The following USF3 variants were observed in gnomAD, a reference collection of about 807,000 sequenced individuals.
USF3 encodes upstream transcription factor family member 3.
Under a neutral mutation model 157.5 loss-of-function variants are expected in USF3, and 29 were observed. The observed-to-expected ratio is 0.18, with a 90% confidence interval of 0.14 to 0.25. The LOEUF (loss-of-function observed/expected upper bound fraction) is 0.25, where lower values mean the gene tolerates loss of function less well. Among genes scored for constraint, USF3 ranks in the 10% least tolerant of loss-of-function variants. USF3 has a pLI of 1.00. For synonymous variants in USF3, 893 were observed against 941.4 expected, an observed-to-expected ratio of 0.95 and a Z score of 0.94; for missense variants, 2,381 against 2,667.6, an observed-to-expected ratio of 0.89 and a Z score of 2.37.
At chr3:113,691,762 T>C (rs1201348173) in intron 1 of USF3, among the ~76,000 whole-genome samples, 1 of 152,216 alleles carries the variant, frequency 6.6e-6, no homozygotes, top group Non-Finnish European at 1.5e-5. Flanking sequence ...TCAATCTCTA[T>C]TGTTTATAAC....
Position 113,663,177 on chromosome 3 carries a change from T to C in USF3, c.256+1136A>G, listed in dbSNP as rs146547764. Among the ~76,000 whole-genome samples, 501 of 152,158 alleles carry C rather than the reference T, an allele frequency of 3.3e-3. 2 individuals are homozygous for C. The highest frequency in any genetic ancestry group is 0.011 in the African/African-American group (473 of 41,500). On this transcript the variant is annotated intron_variant, in intron 6 of 6. Transcript: ENST00000316407. ...AGAAATAACAAACACAGATTTAGGC[T>C]GCCTTAGATCCCACCCCTAACCCCT...
chr3:113,681,523 C>G (rs1707426996), intron 1 of USF3, among the ~76,000 whole-genome samples: 1 of 148,158 alleles, frequency 6.7e-6, no homozygotes, highest in African/African-American at 2.5e-5. Flanking sequence ...AGAGAAGATA[C>G]TTGATATTAT....
Position 113,660,651 on chromosome 3 carries a change from C to G in USF3, c.1031G>C (p.Cys344Ser). 6.2e-7 allele frequency: 1 copy of G among 1,614,190 alleles called. No individual in the cohort carries two copies. ...ACCTGCAGTTCTGGGAGGCTGCGAG[C>G]AGACTGTGGTGGTAACTGAAACAAC... ...TFVVSVTTTV[C>S]SQPPRTAGDS... The change falls in exon 7 of 7, where the codon TGC becomes TCC. Residue 344 changes from cysteine to serine, a missense_variant. Physicochemically the swap from Cys to Ser is moderately radical, Grantham distance 112. This residue lies in a region of USF3 where 1,435 missense variants were observed against 1,550.9 expected (regional missense o/e 0.93). Transcript: ENST00000316407.
At position 113,681,370 on chromosome 3, in the gene USF3, T is replaced by A. The variant is rs1031303814; in HGVS notation, c.-134-3973A>T. On this transcript the variant is annotated intron_variant, in intron 1 of 6. Transcript: ENST00000316407. ...TGTTTTGTATGCTGTGTTTCCATTT[T>A]CATTTAAGAAATTTTTTAATTTCCT... Among the ~76,000 whole-genome samples, 5 of 152,188 alleles carry A rather than the reference T, an allele frequency of 3.3e-5. No homozygotes were observed. The South Asian group carries it at 1.0e-3, about 31-fold the overall frequency.
rs1947419745 is a variant in USF3, at chr3:113,658,806, G to A, written c.2876C>T (p.Pro959Leu). ...SDPHILVSQVPGLSSTTSTTS... is the reference protein window; with the variant it reads ...SDPHILVSQVLGLSSTTSTTS... ...AGTGCTTGTTGTAGATGACAAACCA[G>A]GAACCTGAGAAACCAAAATGTGAGG... Residue 959 changes from proline to leucine, a missense_variant, in exon 7 of 7, where the codon CCT becomes CTT. By Grantham distance (98) the Pro-to-Leu change is moderately conservative. Coordinates refer to ENST00000316407, the MANE Select transcript of USF3 (RefSeq NM_001009899.4). 1 of 1,614,004 alleles carries A rather than the reference G, an allele frequency of 6.2e-7. No homozygotes were observed. Among genetic ancestry groups the A allele is most frequent in the African/African-American group, 1.3e-5 (1 of 74,906 alleles).
intron 2 of USF3, among the ~76,000 whole-genome samples, chr3:113,676,781 A>C (rs1707292769): frequency 1.3e-5 from 2 of 152,200 alleles, no homozygotes; most frequent in Non-Finnish European, 2.9e-5. Flanking sequence ...GCATGAGTTT[A>C]AAATCTGTTT....
chr3:113,672,117 T>A (rs573846205), intron 4 of USF3, among the ~76,000 whole-genome samples: 2 of 151,656 alleles, frequency 1.3e-5, no homozygotes, highest in Non-Finnish European at 2.9e-5. Flanking sequence ...TAGTAAGTTA[T>A]GGTAAACACA....
chr3:113,664,060 A>G (rs1947526773), intron 6 of USF3, among the ~76,000 whole-genome samples: 2 of 152,224 alleles, frequency 1.3e-5, no homozygotes, highest in African/African-American at 4.8e-5. Context: ...TGAGTTAGGC[A>G]AACATGAAAT....
In USF3 at chr3:113,660,813, G is replaced by T. The variant is rs750483395; in HGVS notation, c.869C>A (p.Pro290His). 3 of 1,613,962 alleles carry T rather than the reference G, an allele frequency of 1.9e-6. No individual in the cohort carries two copies. The highest frequency in any genetic ancestry group is 2.5e-6 in the Non-Finnish European group (3 of 1,180,028). ...AGGGGTCATTTTCTTCAATACTTTG[G>T]GGTTCTCTTGTCCATTCTTATTTTC... ...SSENKNGQEN[P>H]KVLKKMTPCV... is the part of the protein sequence containing the mutation. Residue 290 changes from proline (P) to histidine (H), a missense_variant, in exon 7 of 7, where the codon CCC (proline) becomes CAC (histidine). Around this residue, in one of 6 missense-constraint regions of USF3, gnomAD observed 1,435 missense variants for 1,550.9 expected, o/e 0.93. Coordinates refer to ENST00000316407, the MANE Select transcript of USF3 (RefSeq NM_001009899.4).
rs1353569811 is a variant in USF3 at position 113,696,625 on chromosome 3, C to G, written c.-390G>C. 1 of 151,342 alleles carries G rather than the reference C, an allele frequency of 6.6e-6. No homozygotes were observed. The highest frequency in any genetic ancestry group is 1.5e-5 in the Non-Finnish European group (1 of 67,798). The allele number at this position is 151,342 out of a possible 1,614,324, so 9.4% of individuals were successfully genotyped here. A position where few individuals can be genotyped will look rare whatever the true frequency, so the allele number is the denominator to read the frequency against. On this transcript the variant is annotated 5_prime_UTR_variant, in exon 1 of 7. Transcript: ENST00000316407. ...CTCAAGGCCGGAGACCCGGCGGCAG[C>G]GCGGCCTCAACTTTCCCAGCCCCCC...
rs1211260446 is a variant in USF3, at chr3:113,657,304, T to C, written c.4378A>G (p.Ile1460Val). 6.2e-7 allele frequency: 1 copy of C among 1,608,274 alleles called. No individual in the cohort carries two copies. Among genetic ancestry groups the C allele is most frequent in the Non-Finnish European group, 8.5e-7 (1 of 1,175,990 alleles). The change falls in exon 7 of 7, where the codon ATA becomes GTA. Residue 1460 changes from isoleucine to valine, a missense_variant. Physicochemically the swap from Ile to Val is conservative, Grantham distance 29. Coordinates refer to ENST00000316407, the MANE Select transcript of USF3 (RefSeq NM_001009899.4). ...VSHLHSNHLY[I>V]KQQQQQQQQQ... is the part of the protein sequence containing the mutation. ...TGCTGCTGCTGCTGCTGCTGCTTTATGTAGAGATGGTTACTATGAAGGTGA... is the reference window on the plus strand; with the variant it reads ...TGCTGCTGCTGCTGCTGCTGCTTTACGTAGAGATGGTTACTATGAAGGTGA...
intron 6 of USF3, among the ~76,000 whole-genome samples, chr3:113,661,787 T>C (rs1170626247): frequency 6.6e-6 from 1 of 152,238 alleles, no homozygotes; most frequent in Admixed American, 6.5e-5. Flanking sequence ...AATATCAATA[T>C]GCCATTTAAA....
At position 113,660,192 on chromosome 3, in the gene USF3, G is replaced by A. The variant is rs746744476; in HGVS notation, c.1490C>T (p.Thr497Ile). The change falls in exon 7 of 7, where the codon ACA becomes ATA. Residue 497 changes from threonine (T) to isoleucine (I), a missense_variant. Coordinates refer to ENST00000316407, the MANE Select transcript of USF3 (RefSeq NM_001009899.4). ...AGGTAAAGATGGACAAGAAGGCAAT[G>A]TTACAACTACTTGCTCAACTGGCTG... is the stretch of plus-strand genomic sequence containing the variant. ...DGQPVEQVVV[T>I]LPSCPSLPMQ... The A allele has an allele frequency of 6.2e-7, 1 of 1,614,172 alleles. No homozygotes were observed. The highest frequency in any genetic ancestry group is 1.7e-5 in the Admixed American group (1 of 60,028).
At position 113,656,334 on chromosome 3, in the gene USF3, G is replaced by T. The variant is rs778293720; in HGVS notation, c.5348C>A (p.Pro1783His). Residue 1783 changes from proline to histidine, a missense_variant, in exon 7 of 7, where the codon CCC becomes CAC. This residue lies in a region of USF3 where 770 missense variants were observed against 824.2 expected (regional missense o/e 0.93). Transcript: ENST00000316407. Reference sequence around the variant, plus strand: ...TCTCTTTTGACGGTCAATTGGTGGGGGGCCAGTGTTTTGACTAATTCGAAA... The same window carrying T: ...TCTCTTTTGACGGTCAATTGGTGGGTGGCCAGTGTTTTGACTAATTCGAAA... ...QAFRISQNTG[P>H]PPIDRQKRLS... is the part of the protein sequence containing the mutation. 2 of 1,614,138 alleles carry T rather than the reference G, an allele frequency of 1.2e-6. No homozygotes were observed. The highest frequency in any genetic ancestry group is 4.5e-5 in the East Asian group (2 of 44,880).
Position 113,651,761 on chromosome 3 carries a change from C to T in USF3, c.*3183G>A, listed in dbSNP as rs1173753132. The T allele has an allele frequency of 6.6e-6, 1 of 152,112 alleles. No homozygotes were observed. The highest frequency in any genetic ancestry group is 2.4e-5 in the African/African-American group (1 of 41,418). The allele number at this position is 152,112 out of a possible 1,614,324, so 9.4% of individuals were successfully genotyped here. A position where few individuals can be genotyped will look rare whatever the true frequency, so the allele number is the denominator to read the frequency against. The stretch of plus-strand genomic sequence containing the variant: ...AAGTCTTACATACACATGCATACAT[C>T]TGTAAAGTAATGAGAGCTACACGTA... On this transcript the variant is annotated 3_prime_UTR_variant, in exon 7 of 7. Transcript: ENST00000316407.
chr3:113,667,461 T>C (rs1311577470), intron 5 of USF3, among the ~76,000 whole-genome samples: 3 of 152,214 alleles, frequency 2.0e-5, no homozygotes, highest in Non-Finnish European at 4.4e-5. Flanking sequence ...CAAACATCTA[T>C]GTTTACTGAG....
In USF3 at chr3:113,657,834, C is replaced by G. The variant is rs370250017; in HGVS notation, c.3848G>C (p.Gly1283Ala). 6 of 1,613,980 alleles carry G rather than the reference C, an allele frequency of 3.7e-6. No homozygotes were observed. The highest frequency in any genetic ancestry group is 1.7e-5 in the Admixed American group (1 of 59,982). Residue 1283 changes from glycine to alanine, a missense_variant, in exon 7 of 7, where the codon GGC (glycine) becomes GCC (alanine). By Grantham distance (60) the Gly-to-Ala change is moderately conservative. Coordinates refer to ENST00000316407, the MANE Select transcript of USF3 (RefSeq NM_001009899.4). ...CAGAGATGGTCCAGGAGGTTGACTG[C>G]CATAGGAGCTAGATGAAACGGTCAG... ...VNLTVSSSSY[G>A]SQPPGPSLMT...
At chr3:113,670,632 C>T (rs996459172) in intron 4 of USF3, among the ~76,000 whole-genome samples, 3 of 150,976 alleles carry the variant, frequency 2.0e-5, no homozygotes, top group Admixed American at 6.6e-5. Flanking sequence ...GGAAGGGGAG[C>T]GGAAGGGGAA....
At position 113,674,950 on chromosome 3, in the gene USF3, A is replaced by G; in HGVS notation, c.-18-54T>C. Reference sequence around the variant, plus strand: ...AAGCTTAGTCATTCTAGAATCTTACAAAAATTGGTCAATAGCAATTTGATT... The same window carrying G: ...AAGCTTAGTCATTCTAGAATCTTACGAAAATTGGTCAATAGCAATTTGATT... On this transcript the variant is annotated intron_variant, in intron 2 of 6. Coordinates refer to ENST00000316407, the MANE Select transcript of USF3 (RefSeq NM_001009899.4). The G allele has an allele frequency of 9.3e-6, 11 of 1,176,558 alleles. No homozygotes were observed. The South Asian group carries it at 1.4e-4, about 15-fold the overall frequency. 72.9% of individuals were successfully genotyped at this position (1,176,558 alleles called of 1,614,324 possible).
Sources: allele counts gnomAD v4.1 joint callset (sites outside exome capture counted in the v4.1 genomes callset), GRCh38; gene constraint gnomAD v4.1.1; regional missense constraint gnomAD v4.1.1; transcripts MANE v1.5; gene names NCBI Gene and HGNC (gene_info 2026-07-23, HGNC 2026-07-21).